Variants in CCDC66 observed in about 807,000 individuals in gnomAD.
The protein encoded by CCDC66 is coiled-coil domain-containing protein 66.
Under a neutral mutation model 128.3 loss-of-function variants are expected in CCDC66, and 133 were observed. The ratio of observed to expected loss-of-function variants is 1.04; its 90% CI spans 0.90 to 1.20. The LOEUF is 1.20. Among genes scored for constraint, CCDC66 ranks in the 50% most tolerant of loss-of-function variants. The pLI is 0.00. For synonymous variants in CCDC66, 387 were observed against 357.0 expected (o/e 1.08, Z -0.95); for missense variants, 1,126 against 1,075.5 (o/e 1.05, Z -0.66).
rs540821103 is a variant in CCDC66 at position 56,583,899 on chromosome 3, C to T, written c.937-9071C>T. ...CCGGGCAGAGGCGCCCCCCACCTCC[C>T]GGATGGGGCGGCGGCTGGGCGGGGG... is the stretch of plus-strand genomic sequence containing the variant. On this transcript the variant is annotated intron_variant, in intron 7 of 17. Transcript: ENST00000394672. Among the ~76,000 whole-genome samples, 1,063 of 125,788 alleles carry T rather than the reference C, an allele frequency of 8.5e-3. 23 individuals are homozygous for T. The highest frequency in any genetic ancestry group is 0.013 in the Non-Finnish European group (776 of 61,478). The allele number at this position is 125,788 out of a possible 152,430, so 82.5% of individuals were successfully genotyped here.
At position 56,618,224 on chromosome 3, in the gene CCDC66, T is replaced by C; in HGVS notation, c.2378+12T>C. On this transcript the variant is annotated intron_variant, in intron 15 of 17. Transcript: ENST00000394672. ...TTCAGCAAGGAAAGGTAAGTATGCATCAGATTAATTCCGCAGCTACTTAAT... is the reference window on the plus strand; with the variant it reads ...TTCAGCAAGGAAAGGTAAGTATGCACCAGATTAATTCCGCAGCTACTTAAT... 6.2e-7 allele frequency: 1 copy of C among 1,610,058 alleles called. No homozygotes were observed. The highest frequency in any genetic ancestry group is 8.5e-7 in the Non-Finnish European group (1 of 1,176,620).
At chr3:56,573,284 G>T (rs1266825766) in intron 7 of CCDC66, among the ~76,000 whole-genome samples, 1 of 152,146 alleles carries the variant, frequency 6.6e-6, no homozygotes, top group Non-Finnish European at 1.5e-5. Flanking sequence ...GTATTTGTCA[G>T]TTGATGAAAT....
Position 56,617,586 on chromosome 3 carries a change from G to A in CCDC66, c.2318G>A (p.Arg773Lys), listed in dbSNP as rs777812256. The change falls in exon 14 of 18, where the codon AGG becomes AAG. Residue 773 changes from arginine to lysine, a missense_variant. Physicochemically the swap from Arg to Lys is conservative, Grantham distance 26. Coordinates refer to ENST00000394672, the MANE Select transcript of CCDC66 (RefSeq NM_001141947.3). ...CATCAAGAAACGGAGTCAAAGTTGA[G>A]GTGGCATCTAGTCAAAAAGGTAAAG... ...SSHQETESKL[R>K]WHLVKKEEEP... 5.0e-6 allele frequency: 8 copies of A among 1,602,368 alleles called. No homozygotes were observed. The East Asian group carries it at 8.9e-5, about 18-fold the overall frequency.
chr3:56,595,038 C>G (rs925273466), intron 10 of CCDC66, among the ~76,000 whole-genome samples: 6 of 152,144 alleles, frequency 3.9e-5, no homozygotes, highest in African/African-American at 1.4e-4. Flanking sequence ...TTCCACTTCA[C>G]TTATATAAAT....
chr3:56,593,067 A>G lies in CCDC66; in HGVS notation c.1034A>G (p.Gln345Arg). The change falls in exon 8 of 18, where the codon CAA becomes CGA. Residue 345 changes from glutamine to arginine, a missense_variant. Coordinates refer to ENST00000394672, the MANE Select transcript of CCDC66 (RefSeq NM_001141947.3). ...ELNKQIEDDR[Q>R]RKIEEKIIYS... The stretch of plus-strand genomic sequence containing the variant: ...AATAAGCAAATAGAAGATGACCGTC[A>G]AAGAAAAATAGAGGAAAAAATTATA... 6.2e-7 allele frequency: 1 copy of G among 1,605,522 alleles called. No homozygotes were observed. Among genetic ancestry groups the G allele is most frequent in the Non-Finnish European group, 8.5e-7 (1 of 1,175,468 alleles).
chr3:56,621,337 A>T, intron 17 of CCDC66, 195 bp from the exon 18 acceptor site: 2 of 396,004 alleles, frequency 5.1e-6, no homozygotes, highest in Non-Finnish European at 9.1e-6. Flanking sequence ...TTATGCTAAA[A>T]ACAGAATCTT....
intron 7 of CCDC66, among the ~76,000 whole-genome samples, chr3:56,577,492 ATGATGTCC>A (rs1198891036): frequency 2.0e-5 from 3 of 149,656 alleles, no homozygotes; most frequent in Admixed American, 1.3e-4. Flanking sequence ...CATTTTGTCC[ATGATGTCC>A]TGAATGATAT....
At position 56,605,278 on chromosome 3, in the gene CCDC66, G is replaced by A. The variant is rs185737152; in HGVS notation, c.1405-8311G>A. ...TTCTGAAGCCTTCTTCTGTCAATTC[G>A]TAAAACTCATTCTCTGTCCAGTTTT... is the stretch of plus-strand genomic sequence containing the variant. On this transcript the variant is annotated intron_variant, in intron 10 of 17. Transcript: ENST00000394672. 8.0e-4 allele frequency among the ~76,000 whole-genome samples: 121 copies of A among 152,040 alleles called. 4 individuals are homozygous for A. Among genetic ancestry groups the A allele is most frequent in the African/African-American group, 2.9e-3 (119 of 41,392 alleles).
Position 56,615,928 on chromosome 3 carries a change from C to G in CCDC66, c.1718C>G (p.Thr573Arg), listed in dbSNP as rs778335151. ...GGTGATTTCTCTTTGCCAGTTGATA[C>G]AATACAAATGGAATATAATGCATCT... is the stretch of plus-strand genomic sequence containing the variant. ...SRLIKNLGVDTIQMEYNASNI... is the reference protein window; with the variant it reads ...SRLIKNLGVDRIQMEYNASNI... The change falls in exon 13 of 18, where the codon ACA becomes AGA. Residue 573 changes from threonine (T) to arginine (R), a missense_variant. Physicochemically the swap from Thr to Arg is moderately conservative, Grantham distance 71. Coordinates refer to ENST00000394672, the MANE Select transcript of CCDC66 (RefSeq NM_001141947.3). 11 of 1,591,334 alleles carry G rather than the reference C, an allele frequency of 6.9e-6. No individual in the cohort carries two copies. The highest frequency in any genetic ancestry group is 7.7e-6 in the Non-Finnish European group (9 of 1,168,510).
Position 56,621,742 on chromosome 3 carries a change from C to A in CCDC66, c.*124C>A. ...TATTTTTTTAAATGCTCATTAAAAA[C>A]TTGTATACTATGTAGTAAAATGCTG... On this transcript the variant is annotated 3_prime_UTR_variant, in exon 18 of 18. Transcript: ENST00000394672. 1.4e-5 allele frequency: 6 copies of A among 442,690 alleles called. No homozygotes were observed. The highest frequency in any genetic ancestry group is 4.7e-5 in the East Asian group (1 of 21,310). The allele number at this position is 442,690 out of a possible 1,614,324, so 27.4% of individuals were successfully genotyped here.
chr3:56,567,593 C>G (rs1350286976), intron 6 of CCDC66, among the ~76,000 whole-genome samples: 2 of 152,134 alleles, frequency 1.3e-5, no homozygotes, highest in Non-Finnish European at 2.9e-5. Flanking sequence ...ACTTGTCCAC[C>G]ATGTTGAGGT....
chr3:56,582,209 A>G (rs1293477464), intron 7 of CCDC66, among the ~76,000 whole-genome samples: 2 of 151,974 alleles, frequency 1.3e-5, no homozygotes, highest in East Asian at 4.0e-4. Context: ...GGGACCCTCC[A>G]AGCCAGGTGC....
chr3:56,566,735 A>T lies in CCDC66; in HGVS notation c.686A>T (p.Lys229Ile), dbSNP rs1447715366. The change falls in exon 5 of 18, where the codon AAA becomes ATA. Residue 229 changes from lysine (K) to isoleucine (I), a missense_variant. Physicochemically the swap from Lys to Ile is moderately radical, Grantham distance 102. Transcript: ENST00000394672. ...SVLNEHQETS[K>I]QCEQKIAIEN... ...TTAAATGAACATCAGGAGACATCTA[A>T]ACAGTGTGAGCAAAAAATTGCCATG... 1.2e-6 allele frequency: 2 copies of T among 1,612,326 alleles called. No homozygotes were observed. The highest frequency in any genetic ancestry group is 1.7e-5 in the Admixed American group (1 of 59,678).
intron 3 of CCDC66, among the ~76,000 whole-genome samples, chr3:56,562,000 G>T (rs2065164144): frequency 6.6e-6 from 1 of 151,640 alleles, no homozygotes. Flanking sequence ...TGTGGTCAAA[G>T]TGCTTTCCTA....
chr3:56,584,925 A>G (rs1029553121), intron 7 of CCDC66, among the ~76,000 whole-genome samples: 1 of 151,908 alleles, frequency 6.6e-6, no homozygotes, highest in South Asian at 2.1e-4. Flanking sequence ...CCCCGTCTCC[A>G]CCAAAAAAAT....
intron 7 of CCDC66, among the ~76,000 whole-genome samples, chr3:56,581,712 G>A (rs1451432646): frequency 3.3e-5 from 5 of 151,806 alleles, no homozygotes; most frequent in African/African-American, 4.8e-5. Flanking sequence ...TATCACCAGC[G>A]GAGGCTTCAG....
At chr3:56,598,569 A>G (rs2072557786) in intron 10 of CCDC66, among the ~76,000 whole-genome samples, 1 of 151,808 alleles carries the variant, frequency 6.6e-6, no homozygotes, top group African/African-American at 2.4e-5. Flanking sequence ...TATAGTCTTT[A>G]TTATTTTAAG....
chr3:56,599,601 T>C (rs1452169465), intron 10 of CCDC66, among the ~76,000 whole-genome samples: 1 of 152,052 alleles, frequency 6.6e-6, no homozygotes, highest in Non-Finnish European at 1.5e-5. Flanking sequence ...TAAATTTTCA[T>C]TTTTTTCAAG....
intron 6 of CCDC66, among the ~76,000 whole-genome samples, chr3:56,568,100 T>C (rs547226585): frequency 1.3e-5 from 2 of 152,302 alleles, no homozygotes; most frequent in Non-Finnish European, 2.9e-5. Flanking sequence ...TAATTTATCC[T>C]AGATCTGGAC....
Sources: allele counts gnomAD v4.1 joint callset (sites outside exome capture counted in the v4.1 genomes callset), GRCh38; gene constraint gnomAD v4.1.1; transcripts MANE v1.5; gene names NCBI Gene and HGNC (gene_info 2026-07-23, HGNC 2026-07-21).